Variants in GPC6 observed in about 807,000 individuals in gnomAD.
GPC6 encodes glypican-6.
A neutral mutation model predicts 55.2 loss-of-function variants in GPC6; 14 were observed. That is an observed-to-expected ratio of 0.25 (90% confidence interval 0.17 to 0.40). The LOEUF (loss-of-function observed/expected upper bound fraction) is 0.40, where lower values mean the gene tolerates loss of function less well. Among genes scored for constraint, GPC6 ranks in the 10% least tolerant of loss-of-function variants. GPC6 has a pLI of 1.00. For missense variants in GPC6, 641 were observed against 708.5 expected (o/e 0.90, Z 1.08); for synonymous variants, 278 against 259.6 (o/e 1.07, Z -0.68).
chr13:94,131,751 G>A (rs1465787028), intron 4 of GPC6, among the ~76,000 whole-genome samples: 1 of 152,096 alleles, frequency 6.6e-6, no homozygotes, highest in Non-Finnish European at 1.5e-5. Context: ...GAACATTGAT[G>A]ATTCTGTTTC....
chr13:94,235,012 GT>G (rs1224188115), intron 4 of GPC6, among the ~76,000 whole-genome samples: 1 of 152,152 alleles, frequency 6.6e-6, no homozygotes, highest in African/African-American at 2.4e-5. Context: ...AAGATGGAAA[GT>G]TCTAGAGATC....
At chr13:94,083,061 G>T (rs1885156052) in intron 4 of GPC6, among the ~76,000 whole-genome samples, 1 of 152,170 alleles carries the variant, frequency 6.6e-6, no homozygotes, top group Non-Finnish European at 1.5e-5. Flanking sequence ...CCCCTGCTCA[G>T]AGGTACTTCT....
At chr13:93,944,394 CG>C (rs1183395806) in intron 3 of GPC6, among the ~76,000 whole-genome samples, 1 of 151,844 alleles carries the variant, frequency 6.6e-6, no homozygotes, top group Non-Finnish European at 1.5e-5. Context: ...TTAGTAGAGA[CG>C]GGGTTTCACT....
At chr13:93,414,895 C>T (rs915600295) in intron 1 of GPC6, among the ~76,000 whole-genome samples, 2 of 152,028 alleles carry the variant, frequency 1.3e-5, no homozygotes, top group Non-Finnish European at 2.9e-5. Flanking sequence ...TTTTGAATAA[C>T]AAATGATGAC....
At chr13:93,289,368 T>C (rs866724193) in intron 1 of GPC6, among the ~76,000 whole-genome samples, 3 of 152,110 alleles carry the variant, frequency 2.0e-5, no homozygotes, top group Non-Finnish European at 2.9e-5. Context: ...AACGTGAGAA[T>C]AGAGATAGAT....
At chr13:93,509,412 A>G (rs923618850) in intron 1 of GPC6, among the ~76,000 whole-genome samples, 1 of 152,208 alleles carries the variant, frequency 6.6e-6, no homozygotes, top group South Asian at 2.1e-4. Flanking sequence ...ATGGATTCAA[A>G]GGCTCATTTG....
Position 93,895,913 on chromosome 13 carries a change from GT to G in GPC6, c.711+65370del, listed in dbSNP as rs577494219. On this transcript the variant is annotated intron_variant, in intron 3 of 8. Transcript: ENST00000377047. ...AGTGGAGATGGGGGAATACAGCGGG[GT>G]TGGTTTAAGGGTACAAAAGTCCAGT... 3.8e-4 allele frequency among the ~76,000 whole-genome samples: 58 copies of G among 152,132 alleles called. 1 individual carries two copies. The highest frequency in any genetic ancestry group is 1.3e-3 in the African/African-American group (54 of 41,560).
intron 1 of GPC6, among the ~76,000 whole-genome samples, chr13:93,326,398 T>G (rs1446670599): frequency 1.3e-5 from 2 of 152,074 alleles, no homozygotes; most frequent in Non-Finnish European, 2.9e-5. Flanking sequence ...AGTAGAAGTG[T>G]AGTTAAGAAG....
intron 3 of GPC6, among the ~76,000 whole-genome samples, chr13:93,863,394 AG>A (rs1888872155): frequency 6.6e-6 from 1 of 151,752 alleles, no homozygotes; most frequent in Non-Finnish European, 1.5e-5. Flanking sequence ...TTTCTGTTGT[AG>A]ACTATTTAGA....
intron 3 of GPC6, among the ~76,000 whole-genome samples, chr13:93,942,716 G>T (rs186927466): frequency 6.6e-6 from 1 of 152,148 alleles, no homozygotes; most frequent in Non-Finnish European, 1.5e-5. Flanking sequence ...CTCAAGAGGA[G>T]GGATTACACA....
intron 4 of GPC6, among the ~76,000 whole-genome samples, chr13:94,259,055 G>A (rs1891584383): frequency 6.6e-6 from 1 of 150,396 alleles, no homozygotes; most frequent in Admixed American, 6.6e-5. Flanking sequence ...GAAGCCCCTA[G>A]CACACTGGAA....
At chr13:93,300,407 G>T (rs891263668) in intron 1 of GPC6, among the ~76,000 whole-genome samples, 2 of 152,146 alleles carry the variant, frequency 1.3e-5, no homozygotes, top group African/African-American at 2.4e-5. Flanking sequence ...CCAGCAATTT[G>T]GGAGGCCGAG....
At position 93,629,021 on chromosome 13, in the gene GPC6, CTG is replaced by C. The variant is rs1879319798; in HGVS notation, c.319+83602_319+83603del. On this transcript the variant is annotated intron_variant, in intron 2 of 8. Coordinates refer to ENST00000377047, the MANE Select transcript of GPC6 (RefSeq NM_005708.5). ...ACTGGACTTAACATGAGATGTAAAA[CTG>C]TACTTCTAGCCAGAAAAAAAAAAAA... Among the ~76,000 whole-genome samples the C allele has an allele frequency of 3.5e-5, 5 of 143,494 alleles. No individual in the cohort carries two copies. In the South Asian group the frequency reaches 1.1e-3, roughly 32 times the overall value. The allele number at this position is 143,494 out of a possible 152,430, so 94.1% of individuals were successfully genotyped here.
chr13:94,294,683 A>C (rs1233206600), intron 5 of GPC6, among the ~76,000 whole-genome samples: 2 of 152,188 alleles, frequency 1.3e-5, no homozygotes, highest in East Asian at 3.9e-4. Flanking sequence ...GGGGAAAATA[A>C]TATCTTGGAA....
rs377667114 is a variant in GPC6, at chr13:93,742,796, T to A, written c.320-87358T>A. ...TGACAGAATCAATATTCAAGTGCTT[T>A]CAACAAGCTGGAAGTATGGATGCAA... is the stretch of plus-strand genomic sequence containing the variant. On this transcript the variant is annotated intron_variant, in intron 2 of 8. Coordinates refer to ENST00000377047, the MANE Select transcript of GPC6 (RefSeq NM_005708.5). 4.3e-4 allele frequency among the ~76,000 whole-genome samples: 66 copies of A among 152,284 alleles called. 1 individual carries two copies. In the South Asian group the frequency reaches 0.013, roughly 31 times the overall value.
rs569514153 is a variant in GPC6 at position 94,098,411 on chromosome 13, GC to G, written c.877+70518del. Among the ~76,000 whole-genome samples the G allele has an allele frequency of 4.9e-4, 75 of 152,260 alleles. 1 individual carries two copies. The East Asian group carries it at 8.9e-3, about 18-fold the overall frequency. ...TGCAGAGAAAGAAGCAATGTAAATT[GC>G]TAGGTACATAGTTTCTTTAATATTA... On this transcript the variant is annotated intron_variant, in intron 4 of 8. Coordinates refer to ENST00000377047, the MANE Select transcript of GPC6 (RefSeq NM_005708.5).
rs914756762 is a variant in GPC6 at position 93,327,431 on chromosome 13, C to T, written c.160+99815C>T. On this transcript the variant is annotated intron_variant, in intron 1 of 8. Transcript: ENST00000377047. ...GGGTTTGCAGTTTTATTTCCTTTTACACTTGTTCATTGACTCTACTTTCAT... is the reference window on the plus strand; with the variant it reads ...GGGTTTGCAGTTTTATTTCCTTTTATACTTGTTCATTGACTCTACTTTCAT... Among the ~76,000 whole-genome samples, 3 of 152,076 alleles carry T rather than the reference C, an allele frequency of 2.0e-5. No homozygotes were observed. In the East Asian group the frequency reaches 5.8e-4, roughly 29 times the overall value.
At chr13:94,128,299 A>G (rs1242400639) in intron 4 of GPC6, among the ~76,000 whole-genome samples, 1 of 152,174 alleles carries the variant, frequency 6.6e-6, no homozygotes, top group Non-Finnish European at 1.5e-5. Context: ...AGCTAAGTAA[A>G]TAATGATCAC....
chr13:94,169,645 A>G (rs1297090983), intron 4 of GPC6, among the ~76,000 whole-genome samples: 1 of 152,192 alleles, frequency 6.6e-6, no homozygotes, highest in Admixed American at 6.5e-5. Context: ...GGCATATTAG[A>G]AAGCACTGCT....
Sources: gnomAD v4.1 joint callset for allele counts (sites outside exome capture counted in the v4.1 genomes callset) on GRCh38, gnomAD v4.1.1 for gene constraint, MANE v1.5 for transcripts, NCBI Gene and HGNC (gene_info 2026-07-23, HGNC 2026-07-21) for gene names.